Variants in BLTP3B observed in about 807,000 individuals in gnomAD.
BLTP3B encodes the protein UHRF1 (ICBP90) binding protein 1-like.
At chr12:100,114,103 C>T in the BLTP3B span, among the ~76,000 whole-genome samples, 1 of 152,100 alleles carries the variant, frequency 6.6e-6, no homozygotes, top group African/African-American at 2.4e-5. Context: ...GGTTATAATT[C>T]AATTATTTAG....
chr12:100,088,223 T>G, the BLTP3B span, among the ~76,000 whole-genome samples: 1 of 152,196 alleles, frequency 6.6e-6, no homozygotes, highest in Non-Finnish European at 1.5e-5. Flanking sequence ...CTGATTCTAA[T>G]GCTCACCAAA....
chr12:100,095,708 A>C, the BLTP3B span: 1 of 1,613,138 alleles, frequency 6.2e-7, no homozygotes, highest in Non-Finnish European at 8.5e-7. Flanking sequence ...TGTTCTGTTG[A>C]TTTTTCTATT....
chr12:100,094,929 T>C, the BLTP3B span, among the ~76,000 whole-genome samples: 2 of 152,230 alleles, frequency 1.3e-5, no homozygotes, highest in African/African-American at 2.4e-5. Flanking sequence ...ATCTGAGATG[T>C]ATAACACTGT....
the BLTP3B span, among the ~76,000 whole-genome samples, chr12:100,116,462 A>AAG: frequency 1.3e-4 from 20 of 151,178 alleles, no homozygotes; most frequent in East Asian, 3.7e-3. Flanking sequence ...AAAAAAAAAA[A>AAG]AAAAGAAAAG....
chr12:100,078,887 A>G, the BLTP3B span, among the ~76,000 whole-genome samples: 3 of 152,110 alleles, frequency 2.0e-5, no homozygotes, highest in Admixed American at 2.0e-4. Context: ...TATGGGGGCA[A>G]GTCTTTCCTG....
the BLTP3B span, chr12:100,142,706 C>G: frequency 6.4e-7 from 1 of 1,552,752 alleles, no homozygotes; most frequent in Non-Finnish European, 8.7e-7. Flanking sequence ...GCCGTCTCCT[C>G]TCTGTCCCGG....
At chr12:100,121,147 A>G in the BLTP3B span, among the ~76,000 whole-genome samples, 1 of 152,106 alleles carries the variant, frequency 6.6e-6, no homozygotes, top group South Asian at 2.1e-4. Context: ...CAGGAGTTTG[A>G]GACCAGCCTG....
At chr12:100,081,601 T>G in the BLTP3B span, among the ~76,000 whole-genome samples, 1 of 152,196 alleles carries the variant, frequency 6.6e-6, no homozygotes, top group African/African-American at 2.4e-5. Flanking sequence ...CCATGTCTTC[T>G]GTTTCCCTCT....
At chr12:100,128,650 T>TA in the BLTP3B span, 1 of 1,287,730 alleles carries the variant, frequency 7.8e-7, no homozygotes, top group Non-Finnish European at 1.0e-6. Context: ...CAGGGTTTCT[T>TA]AGACTCCTCT....
the BLTP3B span, chr12:100,047,638 C>A: frequency 6.3e-7 from 1 of 1,594,272 alleles, no homozygotes; most frequent in Non-Finnish European, 8.6e-7. Context: ...GGACTATCAT[C>A]CTACAGGAAA....
the BLTP3B span, among the ~76,000 whole-genome samples, chr12:100,109,308 CAATT>C: frequency 6.6e-6 from 1 of 151,804 alleles, no homozygotes; most frequent in Non-Finnish European, 1.5e-5. Context: ...AAGTGTAAGC[CAATT>C]AAACTTCTTT....
chr12:100,126,710 C>T, the BLTP3B span, among the ~76,000 whole-genome samples: 3 of 151,972 alleles, frequency 2.0e-5, no homozygotes, highest in African/African-American at 4.8e-5. Flanking sequence ...CTCTTAACAG[C>T]GCCAAGGATG....
chr12:100,129,235 C>T, the BLTP3B span, among the ~76,000 whole-genome samples: 33 of 151,438 alleles, frequency 2.2e-4, no homozygotes, highest in Non-Finnish European at 4.1e-4. Context: ...CAGCAATAGG[C>T]CATATCTATA....
the BLTP3B span, chr12:100,057,691 T>C: frequency 3.7e-6 from 6 of 1,612,446 alleles, no homozygotes; most frequent in East Asian, 4.5e-5. Context: ...TTCATATTCT[T>C]ATAAGAAACA....
chr12:100,139,073 C>G, the BLTP3B span, among the ~76,000 whole-genome samples: 1 of 152,158 alleles, frequency 6.6e-6, no homozygotes, highest in Admixed American at 6.6e-5. Context: ...TTTCCTGTTT[C>G]ACTCTGGAAA....
chr12:100,050,437 A>T, the BLTP3B span: 1 of 889,322 alleles, frequency 1.1e-6, no homozygotes, highest in Non-Finnish European at 1.6e-6. Flanking sequence ...CCAGACCAAA[A>T]GTATACTTGT....
chr12:100,135,426 G>A, the BLTP3B span, among the ~76,000 whole-genome samples: 19,329 of 151,672 alleles, frequency 0.13, 1,548 homozygotes, highest in Middle Eastern at 0.21. Flanking sequence ...GCACCACCAC[G>A]CTCGGCCAAT....
At chr12:100,062,714 C>A in the BLTP3B span, among the ~76,000 whole-genome samples, 1 of 152,230 alleles carries the variant, frequency 6.6e-6, no homozygotes, top group East Asian at 1.9e-4. Flanking sequence ...GTAATCCCAG[C>A]GCTTTGGGAG....
the BLTP3B span, chr12:100,058,201 C>T: frequency 1.2e-6 from 2 of 1,612,778 alleles, no homozygotes; most frequent in Non-Finnish European, 8.5e-7. Context: ...TTTTGATTAC[C>T]ATCACTATCA....
Sources: allele counts gnomAD v4.1 joint callset (sites outside exome capture counted in the v4.1 genomes callset), GRCh38; gene constraint gnomAD v4.1.1; transcripts MANE v1.5; gene names NCBI Gene and HGNC (gene_info 2026-07-23, HGNC 2026-07-21).